Variants in KCNQ1OT1 observed in about 807,000 individuals in gnomAD.
KCNQ1OT1 encodes the protein KCNQ1 antisense RNA 2 (non-protein coding).
chr11:2,657,251 C>T lies in KCNQ1OT1; in HGVS notation n.42744G>A, dbSNP rs75101680. On this transcript the variant is annotated non_coding_transcript_exon_variant, in exon 1 of 1. Transcript: ENST00000597346. The surrounding 1 kb of genome is among the most constrained non-coding windows in gnomAD (Gnocchi z 4.8). Reference sequence around the variant, plus strand: ...TAGAATCAGCTTGCCAAAGTTCTCACACAGAAGCCTTGAGATTTTTATTAA... The same window carrying T: ...TAGAATCAGCTTGCCAAAGTTCTCATACAGAAGCCTTGAGATTTTTATTAA... 1.7e-4 allele frequency: 66 copies of T among 398,628 alleles called. 1 individual carries two copies. Among genetic ancestry groups the T allele is most frequent in the African/African-American group, 1.3e-3 (65 of 48,748 alleles). The allele number at this position is 398,628 out of a possible 1,614,324, so 24.7% of individuals were successfully genotyped here. A position where few individuals can be genotyped will look rare whatever the true frequency, so the allele number is the denominator to read the frequency against.
chr11:2,638,046 T>G (rs1329371366), exon 1 of KCNQ1OT1: 1 of 152,210 alleles, frequency 6.6e-6, no homozygotes, highest in African/African-American at 2.4e-5. Context: ...TCTTCCTCCA[T>G]CCCTTTATTT....
exon 1 of KCNQ1OT1, chr11:2,633,846 C>T (rs1849404716): frequency 2.5e-6 from 1 of 398,424 alleles, no homozygotes; most frequent in Non-Finnish European, 4.4e-6. Flanking sequence ...AGAGTCAGCC[C>T]TGTGTAATGC....
In KCNQ1OT1 at chr11:2,623,227, T is replaced by G; in HGVS notation, n.76768A>C. 1 of 398,828 alleles carries G rather than the reference T, an allele frequency of 2.5e-6. No homozygotes were observed. Among genetic ancestry groups the G allele is most frequent in the Non-Finnish European group, 4.4e-6 (1 of 226,198 alleles). 24.7% of individuals were successfully genotyped at this position (398,828 alleles called of 1,614,324 possible). A position where few individuals can be genotyped will look rare whatever the true frequency, so the allele number is the denominator to read the frequency against. ...GTTTCTGAGGCCTGCCAGCCATGCT[T>G]ACTGTACAGCCTACAAAACTGTGAG... On this transcript the variant is annotated non_coding_transcript_exon_variant, in exon 1 of 1. Transcript: ENST00000597346. This position sits in a 1 kb window ranked among gnomAD's most constrained non-coding sequence, Gnocchi z 5.2.
In KCNQ1OT1 at chr11:2,668,611, T is replaced by A. The variant is rs1850125435; in HGVS notation, n.31384A>T. 5.0e-6 allele frequency: 2 copies of A among 398,514 alleles called. No homozygotes were observed. The highest frequency in any genetic ancestry group is 4.4e-5 in the Admixed American group (1 of 22,718). The allele number at this position is 398,514 out of a possible 1,614,324, so 24.7% of individuals were successfully genotyped here. ...CATCATTCTGTATAAATTGCCTACA[T>A]CTTCTGCCTGTTTTATGTTTATTTA... On this transcript the variant is annotated non_coding_transcript_exon_variant, in exon 1 of 1. Coordinates refer to ENST00000597346, the Ensembl canonical transcript of KCNQ1OT1. This position sits in a 1 kb window ranked among gnomAD's most constrained non-coding sequence, Gnocchi z 4.3.
In KCNQ1OT1 at chr11:2,615,336, T is replaced by C. The variant is rs11023475; in HGVS notation, n.84659A>G. On this transcript the variant is annotated non_coding_transcript_exon_variant, in exon 1 of 1. Coordinates refer to ENST00000597346, the Ensembl canonical transcript of KCNQ1OT1. ...TTTTCTAGATAGAAGATGTCATTAT[T>C]GAATAAAGAGTTTTACTGCTTCCTT... 5.5e-3 allele frequency: 2,177 copies of C among 398,076 alleles called. 30 individuals are homozygous for C. The highest frequency in any genetic ancestry group is 0.034 in the African/African-American group (1,680 of 48,720). The allele number at this position is 398,076 out of a possible 1,614,324, so 24.7% of individuals were successfully genotyped here.
At chr11:2,666,332 G>A (rs1441010795) in exon 1 of KCNQ1OT1, 1 of 398,640 alleles carries the variant, frequency 2.5e-6, no homozygotes, top group Non-Finnish European at 4.4e-6. Context: ...AGGTGACTGT[G>A]AGCACCTCCC....
exon 1 of KCNQ1OT1, chr11:2,672,498 A>G (rs1850204323): frequency 2.5e-6 from 1 of 398,666 alleles, no homozygotes; most frequent in Middle Eastern, 6.3e-4. Context: ...GGCAGTGCCT[A>G]GGAGCTCTGT....
rs1016716082 is a variant in KCNQ1OT1, at chr11:2,662,221, C to T, written n.37774G>A. ...TGCCCACCACTTGCCGTCTGCCTGG[C>T]CCCAACACGGAGGCACCAGGCAAGA... is the stretch of plus-strand genomic sequence containing the variant. On this transcript the variant is annotated non_coding_transcript_exon_variant, in exon 1 of 1. Coordinates refer to ENST00000597346, the Ensembl canonical transcript of KCNQ1OT1. 41 of 1,167,976 alleles carry T rather than the reference C, an allele frequency of 3.5e-5. No individual in the cohort carries two copies. The South Asian group carries it at 4.5e-4, about 13-fold the overall frequency. The allele number at this position is 1,167,976 out of a possible 1,614,324, so 72.4% of individuals were successfully genotyped here.
In KCNQ1OT1 at chr11:2,630,682, A is replaced by G. The variant is rs1156785419; in HGVS notation, n.69313T>C. The G allele has an allele frequency of 2.0e-5, 8 of 398,368 alleles. No individual in the cohort carries two copies. In the South Asian group the frequency reaches 3.8e-4, roughly 19 times the overall value. The allele number at this position is 398,368 out of a possible 1,614,324, so 24.7% of individuals were successfully genotyped here. On this transcript the variant is annotated non_coding_transcript_exon_variant, in exon 1 of 1. Coordinates refer to ENST00000597346, the Ensembl canonical transcript of KCNQ1OT1. The stretch of plus-strand genomic sequence containing the variant: ...ATATTTATTTATCAGTGAATTTTGT[A>G]CTTTCATATGTTTTCATGTTACTAA...
chr11:2,648,051 C>CAAA (rs34011245), exon 1 of KCNQ1OT1: 14 of 368,964 alleles, frequency 3.8e-5, no homozygotes, highest in East Asian at 3.7e-5. Context: ...CCATCTCTAC[C>CAAA]AAAAAAAAAA....
Position 2,659,355 on chromosome 11 carries a change from A to G in KCNQ1OT1, n.40640T>C, listed in dbSNP as rs1463175580. 5.0e-6 allele frequency: 2 copies of G among 398,466 alleles called. No individual in the cohort carries two copies. Among genetic ancestry groups the G allele is most frequent in the Non-Finnish European group, 8.8e-6 (2 of 226,050 alleles). 24.7% of individuals were successfully genotyped at this position (398,466 alleles called of 1,614,324 possible). On this transcript the variant is annotated non_coding_transcript_exon_variant, in exon 1 of 1. Coordinates refer to ENST00000597346, the Ensembl canonical transcript of KCNQ1OT1. This position sits in a 1 kb window ranked among gnomAD's most constrained non-coding sequence, Gnocchi z 4.3. ...TGTCCTATAAATGGGATCCTATAAT[A>G]TGTATTCTTTTGCATCTGGCTTCTT...
At position 2,677,328 on chromosome 11, in the gene KCNQ1OT1, A is replaced by G. The variant is rs1850311270; in HGVS notation, n.22667T>C. 2 of 398,506 alleles carry G rather than the reference A, an allele frequency of 5.0e-6. No individual in the cohort carries two copies. Among genetic ancestry groups the G allele is most frequent in the Non-Finnish European group, 8.8e-6 (2 of 226,072 alleles). 24.7% of individuals were successfully genotyped at this position (398,506 alleles called of 1,614,324 possible). A position where few individuals can be genotyped will look rare whatever the true frequency, so the allele number is the denominator to read the frequency against. On this transcript the variant is annotated non_coding_transcript_exon_variant, in exon 1 of 1. Transcript: ENST00000597346. This position sits in a 1 kb window ranked among gnomAD's most constrained non-coding sequence, Gnocchi z 4.5. ...AAGTTAAAGAAAATGATGTCAAATG[A>G]TTTCTCAAATAGAGACTGGGCAGAG...
chr11:2,665,004 G>T (rs1335325839), exon 1 of KCNQ1OT1: 2 of 398,572 alleles, frequency 5.0e-6, no homozygotes, highest in South Asian at 1.3e-4. Flanking sequence ...TCTTTCCGGG[G>T]CCTGTTAGCC....
Position 2,677,662 on chromosome 11 carries a change from G to A in KCNQ1OT1, n.22333C>T, listed in dbSNP as rs573948768. On this transcript the variant is annotated non_coding_transcript_exon_variant, in exon 1 of 1. Coordinates refer to ENST00000597346, the Ensembl canonical transcript of KCNQ1OT1. This position sits in a 1 kb window ranked among gnomAD's most constrained non-coding sequence, Gnocchi z 4.5. The stretch of plus-strand genomic sequence containing the variant: ...CTCTAACAACTGTTATTGCATATGA[G>A]ATAAAATAATATTTTAACTACTGTT... 5.0e-6 allele frequency: 2 copies of A among 398,422 alleles called. No individual in the cohort carries two copies. Among genetic ancestry groups the A allele is most frequent in the Admixed American group, 8.8e-5 (2 of 22,730 alleles). The allele number at this position is 398,422 out of a possible 1,614,324, so 24.7% of individuals were successfully genotyped here. A position where few individuals can be genotyped will look rare whatever the true frequency, so the allele number is the denominator to read the frequency against.
In KCNQ1OT1 at chr11:2,691,787, C is replaced by T. The variant is rs1022934845; in HGVS notation, n.8208G>A. 1 of 398,666 alleles carries T rather than the reference C, an allele frequency of 2.5e-6. No individual in the cohort carries two copies. The highest frequency in any genetic ancestry group is 4.4e-5 in the Admixed American group (1 of 22,740). 24.7% of individuals were successfully genotyped at this position (398,666 alleles called of 1,614,324 possible). A position where few individuals can be genotyped will look rare whatever the true frequency, so the allele number is the denominator to read the frequency against. On this transcript the variant is annotated non_coding_transcript_exon_variant, in exon 1 of 1. Transcript: ENST00000597346. This position sits in a 1 kb window ranked among gnomAD's most constrained non-coding sequence, Gnocchi z 6.4. Reference sequence around the variant, plus strand: ...TTGCAGGCCAGTGGCCATCCACTGCCAGCAATCAGAGAATCACAAGCACTG... The same window carrying T: ...TTGCAGGCCAGTGGCCATCCACTGCTAGCAATCAGAGAATCACAAGCACTG...
At chr11:2,646,211 G>A (rs1849663163) in exon 1 of KCNQ1OT1, 1 of 398,496 alleles carries the variant, frequency 2.5e-6, no homozygotes, top group East Asian at 3.6e-5. Context: ...TGGAGGAGGT[G>A]AGTGCCAGAT....
chr11:2,699,253 T>TGG, exon 1 of KCNQ1OT1: 1 of 398,792 alleles, frequency 2.5e-6, no homozygotes, highest in South Asian at 1.3e-4. Flanking sequence ...AAGGTGCAGA[T>TGG]GGGAGCGCAC....
At position 2,620,211 on chromosome 11, in the gene KCNQ1OT1, A is replaced by ATATT. The variant is rs1383035176; in HGVS notation, n.79783_79784insAATA. 1.1e-3 allele frequency: 299 copies of ATATT among 261,976 alleles called. 3 individuals are homozygous for ATATT. The highest frequency in any genetic ancestry group is 7.4e-3 in the African/African-American group (283 of 38,102). 16.2% of individuals were successfully genotyped at this position (261,976 alleles called of 1,614,324 possible). The stretch of plus-strand genomic sequence containing the variant: ...TAAGTTCATTCATGTATATATATAT[A>ATATT]TTTTTTTTTTTTATTTTTTTTTTAG... On this transcript the variant is annotated non_coding_transcript_exon_variant, in exon 1 of 1. Transcript: ENST00000597346. This position sits in a 1 kb window ranked among gnomAD's most constrained non-coding sequence, Gnocchi z 4.5.
exon 1 of KCNQ1OT1, chr11:2,681,264 G>A (rs1193299464): frequency 2.5e-6 from 1 of 398,390 alleles, no homozygotes; most frequent in East Asian, 3.6e-5. Flanking sequence ...CCAGGAGAGA[G>A]CTTCACTTTC....
Sources: allele counts gnomAD v4.1 joint callset, GRCh38; gene constraint gnomAD v4.1.1; non-coding constraint Gnocchi (gnomAD v3.1); transcripts MANE v1.5; gene names NCBI Gene and HGNC (gene_info 2026-07-23, HGNC 2026-07-21).